The following FAM124A variants were observed in gnomAD, a reference collection of about 807,000 sequenced individuals.
FAM124A encodes protein FAM124A.
In FAM124A, 23 loss-of-function variants were observed where a neutral mutation model predicts 24.5. The ratio of observed to expected loss-of-function variants is 0.94; its 90% CI spans 0.68 to 1.33. The LOEUF (loss-of-function observed/expected upper bound fraction) is 1.33. Among genes scored for constraint, FAM124A ranks in the 40% most tolerant of loss-of-function variants. The pLI, the probability that FAM124A is intolerant of heterozygous loss-of-function variation, is 0.00. For synonymous variants in FAM124A, 287 were observed against 314.7 expected, an observed-to-expected ratio of 0.91 and a Z score of 0.93; for missense variants, 623 against 722.8, an observed-to-expected ratio of 0.86 and a Z score of 1.58.
chr13:51,245,703 G>A (rs1163737710), intron 2 of FAM124A, among the ~76,000 whole-genome samples: 1 of 152,186 alleles, frequency 6.6e-6, no homozygotes, highest in Non-Finnish European at 1.5e-5. Context: ...AGCCCTTGCT[G>A]TTCTCCAGGC....
At chr13:51,269,522 A>G (rs1179179579) in intron 3 of FAM124A, among the ~76,000 whole-genome samples, 1 of 152,232 alleles carries the variant, frequency 6.6e-6, no homozygotes, top group Non-Finnish European at 1.5e-5. Context: ...TTATATGTTG[A>G]ATTGATTAGA....
chr13:51,226,335 G>A (rs1423326518), intron 1 of FAM124A, among the ~76,000 whole-genome samples: 1 of 151,970 alleles, frequency 6.6e-6, no homozygotes, highest in East Asian at 1.9e-4. Flanking sequence ...GGAGGCAGAT[G>A]GACTTCATAC....
Position 51,251,590 on chromosome 13 carries a change from G to T in FAM124A, c.223G>T (p.Asp75Tyr). 1 of 1,566,164 alleles carries T rather than the reference G, an allele frequency of 6.4e-7. No individual in the cohort carries two copies. The highest frequency in any genetic ancestry group is 8.7e-7 in the Non-Finnish European group (1 of 1,153,558). ...IDNVLAWIHP[D>Y]LPLFRVSERR... ...CAACGTCCTGGCGTGGATCCACCCC[G>T]ACCTCCCGCTGTTCCGGGTGTCCGA... The change falls in exon 3 of 4, where the codon GAC becomes TAC. Residue 75 changes from aspartate (D) to tyrosine (Y), a missense_variant. Asp to Tyr is a radical substitution (Grantham distance 160). Coordinates refer to ENST00000322475, the MANE Select transcript of FAM124A (RefSeq NM_001242312.2). This position sits in a 1 kb window ranked among gnomAD's most constrained non-coding sequence, Gnocchi z 5.3.
chr13:51,248,817 A>G (rs963129811), intron 2 of FAM124A, among the ~76,000 whole-genome samples: 2 of 152,242 alleles, frequency 1.3e-5, no homozygotes, highest in Non-Finnish European at 2.9e-5. Flanking sequence ...CATGGCAGAA[A>G]GTAAGGATAC....
chr13:51,231,672 T>A (rs1593585847), intron 2 of FAM124A, among the ~76,000 whole-genome samples: 3 of 152,168 alleles, frequency 2.0e-5, no homozygotes, highest in African/African-American at 7.2e-5. Flanking sequence ...TGAACAAACA[T>A]CTATCAGATA....
chr13:51,222,922 G>T (rs936519546), intron 1 of FAM124A, among the ~76,000 whole-genome samples: 1 of 152,230 alleles, frequency 6.6e-6, no homozygotes, highest in Non-Finnish European at 1.5e-5. Flanking sequence ...TAGCTCCGGA[G>T]CCCCCTGGAG....
chr13:51,252,393 C>A, intron 3 of FAM124A, 192 bp downstream of exon 3: 1 of 702,278 alleles, frequency 1.4e-6, no homozygotes, highest in Middle Eastern at 3.9e-4. Context: ...AAGACTCTTC[C>A]CATTGGTTCT....
intron 3 of FAM124A, among the ~76,000 whole-genome samples, chr13:51,268,710 T>C (rs1954812541): frequency 6.6e-6 from 1 of 152,248 alleles, no homozygotes; most frequent in African/African-American, 2.4e-5. Context: ...TTAAGTCTAA[T>C]GGTGTGGATC....
intron 2 of FAM124A, among the ~76,000 whole-genome samples, chr13:51,238,351 AG>A (rs1954457903): frequency 6.6e-6 from 1 of 152,222 alleles, no homozygotes; most frequent in Non-Finnish European, 1.5e-5. Flanking sequence ...ATGTACTGAA[AG>A]TTTGAGGAGC....
At chr13:51,277,830 T>C (rs140341304) in intron 3 of FAM124A, among the ~76,000 whole-genome samples, 1 of 104,292 alleles carries the variant, frequency 9.6e-6, no homozygotes, top group Non-Finnish European at 1.8e-5. Context: ...TGTGCCAGGG[T>C]ATGAGCCTCT....
chr13:51,278,477 T>C (rs1954905743), intron 3 of FAM124A, among the ~76,000 whole-genome samples: 1 of 152,172 alleles, frequency 6.6e-6, no homozygotes, highest in African/African-American at 2.4e-5. Flanking sequence ...AGCCAGAGAA[T>C]ACCACCAGAT....
At position 51,280,701 on chromosome 13, in the gene FAM124A, C is replaced by G; in HGVS notation, c.1086C>G (p.Ser362=). 1 of 1,614,160 alleles carries G rather than the reference C, an allele frequency of 6.2e-7. No individual in the cohort carries two copies. Among genetic ancestry groups the G allele is most frequent in the Non-Finnish European group, 8.5e-7 (1 of 1,180,036 alleles). The change falls in exon 4 of 4, where the codon TCC becomes TCG. Residue 362 remains serine (S), a synonymous_variant. Coordinates refer to ENST00000322475, the MANE Select transcript of FAM124A (RefSeq NM_001242312.2). The stretch of plus-strand genomic sequence containing the variant: ...CCTGGTCTTTCCAGAGAAGCAAGTC[C>G]TTGTTTTGTTTGCCCACGGGAGGCC... ...NPPWSFQRSK[S]LFCLPTGGPS... is the part of the protein sequence containing the mutation.
intron 3 of FAM124A, among the ~76,000 whole-genome samples, chr13:51,261,756 A>G (rs1427952245): frequency 2.0e-5 from 3 of 152,234 alleles, no homozygotes; most frequent in Admixed American, 1.3e-4. Flanking sequence ...CTGCTTCTGC[A>G]TGTAGCAAAT....
intron 2 of FAM124A, among the ~76,000 whole-genome samples, chr13:51,237,778 A>C (rs927341950): frequency 7.5e-6 from 1 of 133,222 alleles, no homozygotes; most frequent in Non-Finnish European, 1.8e-5. Context: ...TATTCCAGGC[A>C]TGGGGCATCT....
chr13:51,237,430 C>T (rs1191332203), intron 2 of FAM124A, among the ~76,000 whole-genome samples: 2 of 152,196 alleles, frequency 1.3e-5, no homozygotes, highest in African/African-American at 4.8e-5. Flanking sequence ...AGAACTATTT[C>T]CATTTTTATT....
intron 3 of FAM124A, among the ~76,000 whole-genome samples, chr13:51,261,756 A>C (rs1427952245): frequency 1.3e-5 from 2 of 152,234 alleles, no homozygotes; most frequent in East Asian, 3.8e-4. Context: ...CTGCTTCTGC[A>C]TGTAGCAAAT....
chr13:51,260,581 G>T (rs76109279), intron 3 of FAM124A, among the ~76,000 whole-genome samples: 1,583 of 152,294 alleles, frequency 0.01, 26 homozygotes, highest in African/African-American at 0.036. Flanking sequence ...ATTTCTACCA[G>T]CCAGAGACCA....
chr13:51,245,539 GGCT>G, intron 2 of FAM124A: 1 of 445,772 alleles, frequency 2.2e-6, no homozygotes, highest in Non-Finnish European at 4.0e-6. Context: ...ATGATTTGGG[GGCT>G]GCTTTTTTGT....
intron 1 of FAM124A, among the ~76,000 whole-genome samples, chr13:51,228,916 G>A (rs1200920792): frequency 6.6e-6 from 1 of 152,194 alleles, no homozygotes; most frequent in African/African-American, 2.4e-5. Context: ...TTTTGTAAAG[G>A]TGAACAACCA....
Sources: gnomAD v4.1 joint callset for allele counts (sites outside exome capture counted in the v4.1 genomes callset) on GRCh38, gnomAD v4.1.1 for gene constraint, Gnocchi (gnomAD v3.1) non-coding constraint, MANE v1.5 for transcripts, NCBI Gene and HGNC (gene_info 2026-07-23, HGNC 2026-07-21) for gene names.